NAPA: variants seen among roughly 807,000 people sequenced by gnomAD.
The protein encoded by NAPA is NSF attachment protein alpha, also known as alpha-soluble NSF attachment protein.
NAPA carries 18 observed loss-of-function variants against 48.0 expected under a neutral mutation model. The observed-to-expected ratio is 0.38, with a 90% CI of 0.26 to 0.56. The LOEUF (loss-of-function observed/expected upper bound fraction) is 0.56, where lower values mean the gene tolerates loss of function less well. Ranked by LOEUF, NAPA falls within the 20% of genes least tolerant of loss-of-function variation. NAPA has a pLI of 0.77. For missense variants in NAPA, 315 were observed against 385.0 expected (o/e 0.82, Z 1.52); for synonymous variants, 152 against 149.9 (o/e 1.01, Z -0.10).
chr19:47,492,735 C>A, intron 7 of NAPA: 1 of 679,210 alleles, frequency 1.5e-6, no homozygotes, highest in South Asian at 1.5e-5. Flanking sequence ...GTGGGAGGGG[C>A]ACAGCCAGGG....
Position 47,500,689 on chromosome 19 carries a change from T to C in NAPA, c.239A>G (p.Asp80Gly), listed in dbSNP as rs1217166899. The change falls in exon 3 of 11, where the codon GAC becomes GGC. Residue 80 changes from aspartate (D) to glycine (G), a missense_variant. Physicochemically the swap from Asp to Gly is moderately conservative, Grantham distance 94. Coordinates refer to ENST00000263354, the MANE Select transcript of NAPA (RefSeq NM_003827.4). ...QLHLQLQSKH[D>G]AATCFVDAGN... is the part of the protein sequence containing the mutation. Reference sequence around the variant, plus strand: ...AGCGTCCACAAAGCAGGTGGCTGCGTCGTGCTTGCTCTGGAGCTGCAGGTG... The same window carrying C: ...AGCGTCCACAAAGCAGGTGGCTGCGCCGTGCTTGCTCTGGAGCTGCAGGTG... The C allele has an allele frequency of 1.2e-6, 2 of 1,612,058 alleles. No individual in the cohort carries two copies. Among genetic ancestry groups the C allele is most frequent in the Admixed American group, 3.4e-5 (2 of 59,686 alleles).
Position 47,506,795 on chromosome 19 carries a change from T to G in NAPA, c.99-3293A>C, listed in dbSNP as rs545616602. The G allele has an allele frequency of 3.9e-5, 6 of 152,476 alleles. No homozygotes were observed. The East Asian group carries it at 9.7e-4, about 25-fold the overall frequency. The allele number at this position is 152,476 out of a possible 1,614,324, so 9.4% of individuals were successfully genotyped here. The stretch of plus-strand genomic sequence containing the variant: ...CACCTGCTCAGGCCCCAGGCTTGCC[T>G]CCTTCTTCCCCTGCACCCCGCGGTC... On this transcript the variant is annotated intron_variant, in intron 1 of 10. Transcript: ENST00000263354. The surrounding 1 kb of genome is among the most constrained non-coding windows in gnomAD (Gnocchi z 4.0).
chr19:47,501,815 T>A (rs1568468529), intron 2 of NAPA, among the ~76,000 whole-genome samples: 1 of 152,180 alleles, frequency 6.6e-6, no homozygotes, highest in Non-Finnish European at 1.5e-5. Context: ...CAGCTGAATC[T>A]GAGTCAGAGT....
At chr19:47,490,720 C>T in intron 9 of NAPA, 68 bp downstream of exon 9, 1 of 1,376,650 alleles carries the variant, frequency 7.3e-7, no homozygotes, top group South Asian at 1.2e-5. Flanking sequence ...GGCGATTGTC[C>T]CACCTGGAGC....
At chr19:47,508,393 G>C (rs547232562) in intron 1 of NAPA, among the ~76,000 whole-genome samples, 1 of 152,366 alleles carries the variant, frequency 6.6e-6, no homozygotes, top group African/African-American at 2.4e-5. Context: ...AGTGGGCCTT[G>C]CCTGACCAAG....
chr19:47,491,391 T>A (rs949721881), intron 8 of NAPA: 1 of 156,154 alleles, frequency 6.4e-6, no homozygotes, highest in Non-Finnish European at 1.4e-5. Flanking sequence ...GTGGGGTGTG[T>A]GGGGCCACCA....
At position 47,490,014 on chromosome 19, in the gene NAPA, T is replaced by C. The variant is rs373306597; in HGVS notation, c.736-253A>G. Among the ~76,000 whole-genome samples, 11 of 151,884 alleles carry C rather than the reference T, an allele frequency of 7.2e-5. No homozygotes were observed. In the East Asian group the frequency reaches 1.9e-3, roughly 27 times the overall value. On this transcript the variant is annotated intron_variant, in intron 9 of 10. Transcript: ENST00000263354. ...TAGAACATCACACAGAATGTGTGTGTGTGTGGGTATGGGGGGTGTGTGTGT... is the reference window on the plus strand; with the variant it reads ...TAGAACATCACACAGAATGTGTGTGCGTGTGGGTATGGGGGGTGTGTGTGT...
In NAPA at chr19:47,499,490, C is replaced by G. The variant is rs933251168; in HGVS notation, c.295+1143G>C. 1.4e-4 allele frequency among the ~76,000 whole-genome samples: 21 copies of G among 152,260 alleles called. 1 individual carries two copies. The highest frequency in any genetic ancestry group is 2.2e-4 in the Non-Finnish European group (15 of 68,044). On this transcript the variant is annotated intron_variant, in intron 3 of 10. Coordinates refer to ENST00000263354, the MANE Select transcript of NAPA (RefSeq NM_003827.4). Reference sequence around the variant, plus strand: ...CTGGGTCATCACTGCATCAACCACGCAGCCTGCTGTGGCCCAGTGCTACCA... The same window carrying G: ...CTGGGTCATCACTGCATCAACCACGGAGCCTGCTGTGGCCCAGTGCTACCA...
At chr19:47,503,278 G>A (rs889930892) in intron 2 of NAPA, 145 bp downstream of exon 2, 2 of 719,928 alleles carry the variant, frequency 2.8e-6, no homozygotes, top group East Asian at 2.6e-5. Flanking sequence ...CACAAAACAA[G>A]AGAGCAGGCC....
intron 1 of NAPA, among the ~76,000 whole-genome samples, chr19:47,514,418 C>T (rs193059450): frequency 1.6e-3 from 243 of 152,220 alleles, no homozygotes; most frequent in African/African-American, 5.6e-3. Flanking sequence ...TTCAAACAGA[C>T]TCCCCTAGAG....
intron 3 of NAPA, 114 bp from the exon 4 acceptor site, chr19:47,495,710 C>A (rs916102385): frequency 2.0e-5 from 19 of 939,940 alleles, no homozygotes; most frequent in Non-Finnish European, 3.3e-5. Flanking sequence ...GATCAATAGG[C>A]GCTCAGAGCT....
At position 47,515,000 on chromosome 19, in the gene NAPA, G is replaced by A. The variant is rs71363738; in HGVS notation, c.-60C>T. ...CCTGACCCTGGGAAGACTCAGCCGC[G>A]GCCGGGCCGCGGAACACAGATCGGT... is the stretch of plus-strand genomic sequence containing the variant. On this transcript the variant is annotated 5_prime_UTR_variant, in exon 1 of 11. Coordinates refer to ENST00000263354, the MANE Select transcript of NAPA (RefSeq NM_003827.4). 10 of 1,540,370 alleles carry A rather than the reference G, an allele frequency of 6.5e-6. No individual in the cohort carries two copies. The Admixed American group carries it at 1.1e-4, about 17-fold the overall frequency.
chr19:47,486,284 G>A (rs1046475791), downstream of NAPA, among the ~76,000 whole-genome samples: 2 of 152,082 alleles, frequency 1.3e-5, no homozygotes, highest in Admixed American at 6.5e-5. Flanking sequence ...GAACCCGGGA[G>A]GCAGAGGTTG....
chr19:47,500,424 C>T (rs533855382), intron 3 of NAPA, among the ~76,000 whole-genome samples: 11 of 152,284 alleles, frequency 7.2e-5, no homozygotes, highest in Non-Finnish European at 5.9e-5. Flanking sequence ...GATAGGGGGG[C>T]GGAGACTTGA....
At chr19:47,492,290 C>T (rs944463987) in intron 7 of NAPA, 171 bp from the exon 8 acceptor site, 8 of 595,558 alleles carry the variant, frequency 1.3e-5, no homozygotes, top group Non-Finnish European at 2.4e-5. Context: ...GAGAGGTCAG[C>T]GGCCAGTGCG....
intron 3 of NAPA, 68 bp downstream of exon 3, chr19:47,500,562 TGAG>T: frequency 7.8e-7 from 1 of 1,285,382 alleles, no homozygotes; most frequent in Non-Finnish European, 1.1e-6. Flanking sequence ...CCAGGAAACC[TGAG>T]GAATCAATGC....
At chr19:47,494,652 C>T (rs917150405) in intron 4 of NAPA, among the ~76,000 whole-genome samples, 2 of 146,820 alleles carry the variant, frequency 1.4e-5, no homozygotes, top group Non-Finnish European at 3.0e-5. Context: ...GCACGAGAAT[C>T]GCTTGAACCT....
At chr19:47,494,600 T>A (rs1968366663) in intron 4 of NAPA, among the ~76,000 whole-genome samples, 1 of 151,846 alleles carries the variant, frequency 6.6e-6, no homozygotes, top group East Asian at 1.9e-4. Context: ...TAGCCAGGCA[T>A]GGTAGCACAC....
chr19:47,504,691 ATGTGTATATATG>A (rs1968658972), intron 1 of NAPA, among the ~76,000 whole-genome samples: 1 of 152,004 alleles, frequency 6.6e-6, no homozygotes, highest in Non-Finnish European at 1.5e-5. Flanking sequence ...ATATATGTGT[ATGTGTATATATG>A]TGTGTATATA....
Sources: allele counts gnomAD v4.1 joint callset (sites outside exome capture counted in the v4.1 genomes callset), GRCh38; gene constraint gnomAD v4.1.1; non-coding constraint Gnocchi (gnomAD v3.1); transcripts MANE v1.5; gene names NCBI Gene and HGNC (gene_info 2026-07-23, HGNC 2026-07-21).